PALM2AKAP2: variants seen among roughly 807,000 people sequenced by gnomAD.
PALM2AKAP2 encodes the protein PALM2-AKAP2 fusion protein.
PALM2AKAP2 carries 37 observed loss-of-function variants against 71.5 expected under a neutral mutation model. That is an observed-to-expected ratio of 0.52 (90% CI 0.40 to 0.68). The LOEUF (loss-of-function observed/expected upper bound fraction) is 0.68. Ranked by LOEUF, PALM2AKAP2 falls within the 30% of genes least tolerant of loss-of-function variation. PALM2AKAP2 has a pLI of 0.00. For missense variants in PALM2AKAP2, 1,224 were observed against 1,191.8 expected (o/e 1.03, Z -0.40); for synonymous variants, 468 against 478.8 (o/e 0.98, Z 0.29).
intron 1 of PALM2AKAP2, among the ~76,000 whole-genome samples, chr9:109,728,774 T>C (rs1828512366): frequency 6.6e-6 from 1 of 152,132 alleles, no homozygotes; most frequent in African/African-American, 2.4e-5. Flanking sequence ...CCACCCCCAT[T>C]GTGGCTCCCA....
intron 1 of PALM2AKAP2, among the ~76,000 whole-genome samples, chr9:110,114,190 T>C (rs922864310): frequency 2.6e-5 from 4 of 152,226 alleles, no homozygotes; most frequent in African/African-American, 7.2e-5. Flanking sequence ...GGAGAATCCG[T>C]TCCATGCCTT....
At chr9:109,667,027 C>G (rs574438231) in intron 1 of PALM2AKAP2, among the ~76,000 whole-genome samples, 4 of 152,108 alleles carry the variant, frequency 2.6e-5, no homozygotes, top group African/African-American at 9.7e-5. Context: ...AAGACAGAAG[C>G]GAAGGCAACT....
chr9:110,037,748 G>T (rs1833439486), intron 7 of PALM2AKAP2, among the ~76,000 whole-genome samples: 1 of 152,208 alleles, frequency 6.6e-6, no homozygotes, highest in African/African-American at 2.4e-5. Context: ...CTTTAACAAG[G>T]TAGGCAAGAC....
At chr9:110,013,102 G>A (rs1832913837) in intron 6 of PALM2AKAP2, among the ~76,000 whole-genome samples, 1 of 152,162 alleles carries the variant, frequency 6.6e-6, no homozygotes, top group South Asian at 2.1e-4. Context: ...TGGCTTCCAG[G>A]TGCAGATTGG....
chr9:110,039,628 T>A (rs1255657190), intron 7 of PALM2AKAP2, among the ~76,000 whole-genome samples: 1 of 152,174 alleles, frequency 6.6e-6, no homozygotes, highest in Non-Finnish European at 1.5e-5. Flanking sequence ...AACTTTCATG[T>A]CTCTAACATT....
At chr9:110,034,359 T>C (rs1454722934) in intron 7 of PALM2AKAP2, among the ~76,000 whole-genome samples, 1 of 152,028 alleles carries the variant, frequency 6.6e-6, no homozygotes, top group Non-Finnish European at 1.5e-5. Flanking sequence ...GGTTTCTCCA[T>C]GTTGTTCAGG....
intron 3 of PALM2AKAP2, among the ~76,000 whole-genome samples, chr9:109,917,375 G>T (rs1178261374): frequency 6.6e-6 from 1 of 151,906 alleles, no homozygotes; most frequent in Non-Finnish European, 1.5e-5. Flanking sequence ...TAAGTTTGTT[G>T]TAGTTGTTAT....
At chr9:109,740,168 G>A (rs1828697092) in intron 1 of PALM2AKAP2, among the ~76,000 whole-genome samples, 1 of 152,170 alleles carries the variant, frequency 6.6e-6, no homozygotes, top group Non-Finnish European at 1.5e-5. Context: ...CATTCATTCA[G>A]CAACTACCTA....
At position 109,722,531 on chromosome 9, in the gene PALM2AKAP2, G is replaced by A. The variant is rs552055038; in HGVS notation, c.6-57957G>A. Among the ~76,000 whole-genome samples, 8 of 152,284 alleles carry A rather than the reference G, an allele frequency of 5.3e-5. No homozygotes were observed. The South Asian group carries it at 1.7e-3, about 32-fold the overall frequency. ...TCACACCTGTAATCTCAACACTTTG[G>A]TAGGCTGAGATAGGCGGGTTGCCTG... On this transcript the variant is annotated intron_variant, in intron 1 of 6. Coordinates refer to the PALM2AKAP2 transcript ENST00000374531.
At chr9:109,817,177 G>A (rs573616750) in intron 1 of PALM2AKAP2, among the ~76,000 whole-genome samples, 49 of 152,252 alleles carry the variant, frequency 3.2e-4, no homozygotes, top group African/African-American at 9.1e-4. Flanking sequence ...CTAGATTGCC[G>A]TGCCCACTTA....
chr9:109,974,560 CT>C (rs568142081), intron 6 of PALM2AKAP2, among the ~76,000 whole-genome samples: 12 of 152,130 alleles, frequency 7.9e-5, no homozygotes, highest in Admixed American at 2.0e-4. Flanking sequence ...GTTGCTTAGA[CT>C]GCCAACGCAC....
chr9:109,783,883 A>T (rs1166645830), intron 1 of PALM2AKAP2, among the ~76,000 whole-genome samples: 5 of 152,258 alleles, frequency 3.3e-5, no homozygotes, highest in Admixed American at 6.5e-5. Context: ...TGCTTGTCAC[A>T]TGAACATCTG....
chr9:109,800,302 G>A (rs1827387200), intron 1 of PALM2AKAP2, among the ~76,000 whole-genome samples: 1 of 152,196 alleles, frequency 6.6e-6, no homozygotes. Flanking sequence ...ATATACTACT[G>A]TTATGGTAAG....
chr9:110,050,432 C>T (rs929083248), intron 1 of PALM2AKAP2, among the ~76,000 whole-genome samples: 1 of 152,166 alleles, frequency 6.6e-6, no homozygotes, highest in African/African-American at 2.4e-5. Flanking sequence ...TCCAGTCTGG[C>T]AGCTTCCCCA....
intron 1 of PALM2AKAP2, among the ~76,000 whole-genome samples, chr9:109,724,738 T>G (rs1828452067): frequency 6.6e-6 from 1 of 152,198 alleles, no homozygotes; most frequent in South Asian, 2.1e-4. Context: ...ACATAGATTA[T>G]GCTACATGCC....
intron 1 of PALM2AKAP2, among the ~76,000 whole-genome samples, chr9:110,061,203 A>G (rs1256060272): frequency 6.6e-6 from 1 of 152,222 alleles, no homozygotes; most frequent in Non-Finnish European, 1.5e-5. Context: ...AACAAGAATC[A>G]TTGTACAACT....
rs1285205965 is a variant in PALM2AKAP2, at chr9:109,811,738, AT to A, written c.45+31207del. On this transcript the variant is annotated intron_variant, in intron 1 of 9. Coordinates refer to the PALM2AKAP2 transcript ENST00000302798. ...AGGTGTGTGCCACCATGCCTGGCTA[AT>A]TAAAAAAAATTATTTTAGAGACGGT... 3.3e-5 allele frequency among the ~76,000 whole-genome samples: 5 copies of A among 152,198 alleles called. No homozygotes were observed. The South Asian group carries it at 1.0e-3, about 32-fold the overall frequency.
At chr9:109,664,328 G>A (rs1021441353) in intron 1 of PALM2AKAP2, among the ~76,000 whole-genome samples, 5 of 152,236 alleles carry the variant, frequency 3.3e-5, no homozygotes, top group East Asian at 1.9e-4. Flanking sequence ...GGCTGGTACC[G>A]GTTGTTTCTT....
chr9:109,680,498 CT>C (rs1225068208), intron 1 of PALM2AKAP2, among the ~76,000 whole-genome samples: 7 of 152,194 alleles, frequency 4.6e-5, no homozygotes, highest in African/African-American at 1.7e-4. Flanking sequence ...AGGTCATAAA[CT>C]TTTTCTGTGC....
Sources: allele counts gnomAD v4.1 joint callset (sites outside exome capture counted in the v4.1 genomes callset), GRCh38; gene constraint gnomAD v4.1.1; transcripts MANE v1.5; gene names NCBI Gene and HGNC (gene_info 2026-07-23, HGNC 2026-07-21).